The following PRSS23 variants were observed in gnomAD, a reference collection of about 807,000 sequenced individuals.
PRSS23 encodes the protein protease, serine 23.
Under a neutral mutation model 34.7 loss-of-function variants are expected in PRSS23, and 25 were observed. The ratio of observed to expected loss-of-function variants is 0.72; its 90% CI spans 0.53 to 1.01. The LOEUF (loss-of-function observed/expected upper bound fraction) is 1.01, where lower values mean the gene tolerates loss of function less well. Ranked by LOEUF, PRSS23 falls within the 50% of genes least tolerant of loss-of-function variation. The probability of loss-of-function intolerance (pLI) is 0.00; values close to 1 mark genes in which losing one functional copy is unlikely to be tolerated. For synonymous variants in PRSS23, 176 were observed against 186.6 expected, an observed-to-expected ratio of 0.94 and a Z score of 0.46; for missense variants, 445 against 475.6, an observed-to-expected ratio of 0.94 and a Z score of 0.60.
chr11:86,891,407 A>T (rs1948840184), intron 2 of PRSS23, among the ~76,000 whole-genome samples: 1 of 152,148 alleles, frequency 6.6e-6, no homozygotes, highest in Admixed American at 6.5e-5. Flanking sequence ...AGGGTATTCC[A>T]TAAATCATCT....
At chr11:86,823,602 A>G (rs1407453959) in intron 2 of PRSS23, 3 of 702,476 alleles carry the variant, frequency 4.3e-6, no homozygotes, top group Admixed American at 2.0e-5. Flanking sequence ...AGGTAAGTTC[A>G]TATCAGATTA....
chr11:86,951,383 T>C (rs1284525492), exon 3 of PRSS23: 1 of 1,614,066 alleles, frequency 6.2e-7, no homozygotes, highest in South Asian at 1.1e-5. Context: ...GTTGGAGATT[T>C]CATAAAAATA....
chr11:86,952,222 C>G, exon 3 of PRSS23: 1 of 1,614,114 alleles, frequency 6.2e-7, no homozygotes, highest in Non-Finnish European at 8.5e-7. Flanking sequence ...GACACTCTTC[C>G]CCAGGCTGGA....
intron 2 of PRSS23, chr11:86,833,003 A>AG (rs1050276330): frequency 9.9e-5 from 42 of 422,470 alleles, no homozygotes; most frequent in Non-Finnish European, 1.7e-4. Context: ...TAAAAGACTG[A>AG]GAAAAAAAAA....
At chr11:86,835,994 A>T (rs1280151081) in intron 2 of PRSS23, among the ~76,000 whole-genome samples, 1 of 152,038 alleles carries the variant, frequency 6.6e-6, no homozygotes, top group Non-Finnish European at 1.5e-5. Flanking sequence ...GTGAGTTGAG[A>T]TGTGGGGTTT....
At chr11:86,864,973 G>A (rs902412364) in intron 2 of PRSS23, among the ~76,000 whole-genome samples, 3 of 152,140 alleles carry the variant, frequency 2.0e-5, no homozygotes, top group Admixed American at 6.5e-5. Flanking sequence ...AGATAACTCA[G>A]GATCATTTTG....
chr11:86,834,051 G>C (rs750004808), intron 2 of PRSS23, among the ~76,000 whole-genome samples: 4 of 152,206 alleles, frequency 2.6e-5, no homozygotes, highest in Non-Finnish European at 5.9e-5. Context: ...TAGTTTTACA[G>C]CTTCGATTCT....
chr11:86,941,020 CATA>C (rs1185477906), intron 2 of PRSS23: 2 of 152,172 alleles, frequency 1.3e-5, no homozygotes, highest in African/African-American at 4.8e-5. Flanking sequence ...TCCGATGGCA[CATA>C]ATGAGTAAGT....
chr11:86,921,538 T>C (rs1181002653), intron 2 of PRSS23: 2 of 152,342 alleles, frequency 1.3e-5, no homozygotes, highest in African/African-American at 2.4e-5. Flanking sequence ...TGTTTCAGGA[T>C]GTGATCTAAT....
downstream of PRSS23, among the ~76,000 whole-genome samples, chr11:86,814,025 G>A (rs757390136): frequency 8.5e-5 from 13 of 152,202 alleles, no homozygotes; most frequent in Non-Finnish European, 1.6e-4. Flanking sequence ...TGGGGCCTGA[G>A]CATCCACAGA....
chr11:86,864,447 C>T (rs1437003260), intron 2 of PRSS23, among the ~76,000 whole-genome samples: 1 of 152,186 alleles, frequency 6.6e-6, no homozygotes, highest in Non-Finnish European at 1.5e-5. Flanking sequence ...CGTAGTCATG[C>T]CTAAGAAGCA....
intron 2 of PRSS23, among the ~76,000 whole-genome samples, chr11:86,877,637 G>A (rs1948733712): frequency 6.6e-6 from 1 of 152,114 alleles, no homozygotes; most frequent in African/African-American, 2.4e-5. Context: ...ACTCTTGTCA[G>A]AAATCAATTT....
At chr11:86,928,468 G>A (rs1368297801) in intron 2 of PRSS23, among the ~76,000 whole-genome samples, 1 of 148,056 alleles carries the variant, frequency 6.8e-6, no homozygotes, top group Non-Finnish European at 1.5e-5. Context: ...GAGGTCAGGA[G>A]ATCGAGATCA....
chr11:86,857,610 G>T, intron 2 of PRSS23: 1 of 514,454 alleles, frequency 1.9e-6, no homozygotes, highest in South Asian at 1.5e-5. Flanking sequence ...ATGATGACTC[G>T]GTAGTGCAGG....
rs191247817 is a variant in PRSS23 at position 86,833,975 on chromosome 11, G to A, written c.206+10382G>A. Among the ~76,000 whole-genome samples the A allele has an allele frequency of 2.6e-5, 4 of 152,270 alleles. No individual in the cohort carries two copies. The South Asian group carries it at 6.2e-4, about 24-fold the overall frequency. On this transcript the variant is annotated intron_variant, in intron 2 of 2. Coordinates refer to the PRSS23 transcript ENST00000533902. ...ACATCAGAGCATGTGCTAGCAGGCCGGTCCAGGGGTCCATGGTAGATCTTA... is the reference window on the plus strand; with the variant it reads ...ACATCAGAGCATGTGCTAGCAGGCCAGTCCAGGGGTCCATGGTAGATCTTA...
chr11:86,845,040 A>G (rs577700664), intron 2 of PRSS23, among the ~76,000 whole-genome samples: 14 of 152,104 alleles, frequency 9.2e-5, no homozygotes, highest in African/African-American at 3.4e-4. Context: ...GTGAGCTGAG[A>G]TCACACCATT....
chr11:86,835,684 T>A (rs1207643391), intron 2 of PRSS23, among the ~76,000 whole-genome samples: 1 of 152,220 alleles, frequency 6.6e-6, no homozygotes, highest in Non-Finnish European at 1.5e-5. Flanking sequence ...CAGTATAGGC[T>A]GGATACGTTC....
At chr11:86,797,015 C>T (rs1947985514), upstream of PRSS23, among the ~76,000 whole-genome samples, 2 of 152,210 alleles carry the variant, frequency 1.3e-5, no homozygotes, top group South Asian at 4.1e-4. Flanking sequence ...ATGTCCATTG[C>T]ATACATTCCT....
intron 1 of PRSS23, among the ~76,000 whole-genome samples, chr11:86,791,826 GGCCTATGCT>G (rs1156772586): frequency 6.6e-6 from 1 of 152,128 alleles, no homozygotes; most frequent in Non-Finnish European, 1.5e-5. Context: ...CTGCTCAGAG[GGCCTATGCT>G]GCCATGTGTA....
Sources: gnomAD v4.1 joint callset for allele counts (sites outside exome capture counted in the v4.1 genomes callset) on GRCh38, gnomAD v4.1.1 for gene constraint, MANE v1.5 for transcripts, NCBI Gene and HGNC (gene_info 2026-07-23, HGNC 2026-07-21) for gene names.